ASAP1: variants seen among roughly 807,000 people sequenced by gnomAD.
ASAP1 encodes ArfGAP with SH3 domain, ankyrin repeat and PH domain 1.
A neutral mutation model predicts 145.2 loss-of-function variants in ASAP1; 43 were observed. That is an observed-to-expected ratio of 0.30 (90% CI 0.23 to 0.38). The LOEUF (loss-of-function observed/expected upper bound fraction) is 0.38, where lower values mean the gene tolerates loss of function less well. Ranked by LOEUF, ASAP1 falls within the 10% of genes least tolerant of loss-of-function variation. The pLI is 1.00. For synonymous variants in ASAP1, 546 were observed against 515.5 expected, an observed-to-expected ratio of 1.06 and a Z score of -0.80; for missense variants, 1,018 against 1,355.3, an observed-to-expected ratio of 0.75 and a Z score of 3.91.
At chr8:130,225,524 AC>A (rs1817539291) in intron 4 of ASAP1, among the ~76,000 whole-genome samples, 1 of 152,158 alleles carries the variant, frequency 6.6e-6, no homozygotes, top group African/African-American at 2.4e-5. Flanking sequence ...AGGAGTTCTA[AC>A]TTTTTTTTCT....
intron 3 of ASAP1, among the ~76,000 whole-genome samples, chr8:130,276,231 T>TG (rs1239039841): frequency 6.6e-6 from 1 of 152,140 alleles, no homozygotes; most frequent in Non-Finnish European, 1.5e-5. Context: ...AAAAGAAGGC[T>TG]GGGGGGCACT....
At chr8:130,381,801 G>A (rs1271361514) in intron 2 of ASAP1, among the ~76,000 whole-genome samples, 1 of 152,098 alleles carries the variant, frequency 6.6e-6, no homozygotes, top group African/African-American at 2.4e-5. Context: ...ACCCCCCTGA[G>A]GGCCTTTGCA....
chr8:130,169,210 T>C, intron 9 of ASAP1, 143 bp from the exon 10 acceptor site: 1 of 490,208 alleles, frequency 2.0e-6, no homozygotes, highest in Non-Finnish European at 3.7e-6. Context: ...TCATTCTCTA[T>C]GGATTTATCT....
At chr8:130,373,550 T>C (rs1827329316) in intron 2 of ASAP1, among the ~76,000 whole-genome samples, 1 of 152,126 alleles carries the variant, frequency 6.6e-6, no homozygotes, top group African/African-American at 2.4e-5. Context: ...ATAAGTGATA[T>C]TCAAAATAAT....
chr8:130,291,674 AAT>A (rs772046560), intron 3 of ASAP1, among the ~76,000 whole-genome samples: 108 of 152,318 alleles, frequency 7.1e-4, no homozygotes, highest in Non-Finnish European at 1.0e-3. Flanking sequence ...GGACTGAATA[AAT>A]ATGTTTCATA....
At chr8:130,360,219 A>G (rs1179728940) in intron 2 of ASAP1, among the ~76,000 whole-genome samples, 3 of 152,240 alleles carry the variant, frequency 2.0e-5, no homozygotes, top group Non-Finnish European at 2.9e-5. Context: ...AGGAGTCGCT[A>G]TAGTATAAAG....
chr8:130,428,466 T>C (rs1351577637), intron 1 of ASAP1, among the ~76,000 whole-genome samples: 10 of 24,002 alleles, frequency 4.2e-4, no homozygotes, highest in African/African-American at 8.7e-4. Flanking sequence ...ACCATCATCA[T>C]CACCACCACC....
At chr8:130,166,782 A>G (rs1459394301) in intron 11 of ASAP1, among the ~76,000 whole-genome samples, 1 of 152,204 alleles carries the variant, frequency 6.6e-6, no homozygotes, top group Non-Finnish European at 1.5e-5. Flanking sequence ...AGCCTCTACC[A>G]TGCATTCTAT....
chr8:130,104,789 T>A (rs1051015312), intron 24 of ASAP1, among the ~76,000 whole-genome samples: 1 of 152,204 alleles, frequency 6.6e-6, no homozygotes, highest in African/African-American at 2.4e-5. Context: ...TATATCTGGT[T>A]TTTAGTTACA....
At chr8:130,210,337 G>A (rs774103596) in intron 5 of ASAP1, among the ~76,000 whole-genome samples, 10 of 152,114 alleles carry the variant, frequency 6.6e-5, no homozygotes, top group Admixed American at 5.2e-4. Flanking sequence ...TTTTTAAAGT[G>A]GGTTTATTTT....
At chr8:130,159,540 T>C (rs1004675880) in intron 12 of ASAP1, among the ~76,000 whole-genome samples, 3 of 124,786 alleles carry the variant, frequency 2.4e-5, no homozygotes, top group Non-Finnish European at 4.9e-5. Flanking sequence ...GAGAATGGCG[T>C]GAACTCAGGA....
intron 25 of ASAP1, among the ~76,000 whole-genome samples, chr8:130,087,097 G>T (rs981800372): frequency 5.9e-5 from 9 of 152,188 alleles, no homozygotes; most frequent in Non-Finnish European, 4.4e-5. Flanking sequence ...CATCAGCATA[G>T]AAAGTGTGAT....
chr8:130,209,450 G>A (rs1016287742), intron 5 of ASAP1, among the ~76,000 whole-genome samples: 1 of 151,960 alleles, frequency 6.6e-6, no homozygotes, highest in East Asian at 1.9e-4. Context: ...CACTGACAGT[G>A]TAAAAGCAAC....
At chr8:130,239,057 A>G (rs1818375212) in intron 3 of ASAP1, among the ~76,000 whole-genome samples, 1 of 152,156 alleles carries the variant, frequency 6.6e-6, no homozygotes, top group South Asian at 2.1e-4. Context: ...ATGAAAAACC[A>G]GGATCACTTA....
At chr8:130,370,498 A>C (rs961321776) in intron 2 of ASAP1, among the ~76,000 whole-genome samples, 1 of 152,184 alleles carries the variant, frequency 6.6e-6, no homozygotes, top group African/African-American at 2.4e-5. Context: ...TAAGCCATCC[A>C]GTCTAGGGTA....
chr8:130,054,549 C>T lies in ASAP1; in HGVS notation c.*182G>A. The T allele has an allele frequency of 1.8e-6, 1 of 555,768 alleles. No homozygotes were observed. Among genetic ancestry groups the T allele is most frequent in the Non-Finnish European group, 3.3e-6 (1 of 304,040 alleles). 34.4% of individuals were successfully genotyped at this position (555,768 alleles called of 1,614,324 possible). On this transcript the variant is annotated 3_prime_UTR_variant, in exon 30 of 30. Transcript: ENST00000518721. ...GGCGCGCCGGGTCCGAGGCTACCCT[C>T]ATACTGGTGAAGGCAGAAAACCACA...
intron 3 of ASAP1, among the ~76,000 whole-genome samples, chr8:130,357,779 G>A (rs1826420372): frequency 6.6e-6 from 1 of 152,214 alleles, no homozygotes; most frequent in Non-Finnish European, 1.5e-5. Flanking sequence ...AGTGTCCACA[G>A]CTCGCTCAGT....
intron 1 of ASAP1, among the ~76,000 whole-genome samples, chr8:130,441,885 G>A (rs1040633027): frequency 2.0e-5 from 3 of 152,166 alleles, no homozygotes; most frequent in South Asian, 2.1e-4. Context: ...GAAACAGGAG[G>A]GCTGAAAATC....
intron 1 of ASAP1, among the ~76,000 whole-genome samples, chr8:130,410,633 T>C (rs1198983695): frequency 6.6e-6 from 1 of 152,232 alleles, no homozygotes; most frequent in Non-Finnish European, 1.5e-5. Flanking sequence ...TGATCATATC[T>C]TCAAGGTCAT....
Sources: allele counts gnomAD v4.1 joint callset (sites outside exome capture counted in the v4.1 genomes callset), GRCh38; gene constraint gnomAD v4.1.1; transcripts MANE v1.5; gene names NCBI Gene and HGNC (gene_info 2026-07-23, HGNC 2026-07-21).